MSRB3: variants seen among roughly 807,000 people sequenced by gnomAD.
The protein encoded by MSRB3 is methionine sulfoxide reductase B3, also known as methionine-R-sulfoxide reductase B3.
In MSRB3, 13 loss-of-function variants were observed where a neutral mutation model predicts 21.0. The ratio of observed to expected loss-of-function variants is 0.62; its 90% CI spans 0.40 to 0.98. The LOEUF (loss-of-function observed/expected upper bound fraction) is 0.98, where lower values mean the gene tolerates loss of function less well. Among genes scored for constraint, MSRB3 ranks in the 50% least tolerant of loss-of-function variants. MSRB3 has a pLI of 0.00. For missense variants in MSRB3, 199 were observed against 230.3 expected, an observed-to-expected ratio of 0.86 and a Z score of 0.88; for synonymous variants, 87 against 88.6, an observed-to-expected ratio of 0.98 and a Z score of 0.10.
At chr12:65,460,152 G>A (rs1449922281) in intron 6 of MSRB3, among the ~76,000 whole-genome samples, 3 of 152,110 alleles carry the variant, frequency 2.0e-5, no homozygotes, top group Non-Finnish European at 2.9e-5. Flanking sequence ...TTTCTTCATC[G>A]AGCAACCAGT....
Position 65,406,476 on chromosome 12 carries a change from G to T in MSRB3, c.292+37450G>T, listed in dbSNP as rs114268315. Among the ~76,000 whole-genome samples, 466 of 152,270 alleles carry T rather than the reference G, an allele frequency of 3.1e-3. 2 individuals are homozygous for T. Among genetic ancestry groups the T allele is most frequent in the African/African-American group, 0.01 (426 of 41,548 alleles). ...GATAGAAAAATATCCTGTGTTCATG[G>T]GTTGGAAGAATTAATACTGTTAAAA... On this transcript the variant is annotated intron_variant, in intron 5 of 6. Transcript: ENST00000308259.
At chr12:65,434,645 C>G (rs1386081835) in intron 5 of MSRB3, among the ~76,000 whole-genome samples, 6 of 151,818 alleles carry the variant, frequency 4.0e-5, no homozygotes, top group Non-Finnish European at 7.4e-5. Flanking sequence ...TGGGAAGGAG[C>G]TTGGCATATG....
chr12:65,288,922 A>G (rs953676815), intron 1 of MSRB3, among the ~76,000 whole-genome samples: 1 of 152,158 alleles, frequency 6.6e-6, no homozygotes, highest in African/African-American at 2.4e-5. Context: ...TGTCCTTTTT[A>G]TGAGAGAATA....
intron 4 of MSRB3, among the ~76,000 whole-genome samples, chr12:65,360,293 T>C (rs1349954848): frequency 6.6e-6 from 1 of 152,166 alleles, no homozygotes; most frequent in Admixed American, 6.6e-5. Context: ...TTCTCTTTAG[T>C]GTTATTTTCT....
chr12:65,412,878 G>A (rs1880787258), intron 5 of MSRB3, among the ~76,000 whole-genome samples: 1 of 152,116 alleles, frequency 6.6e-6, no homozygotes, highest in Admixed American at 6.6e-5. Context: ...TTTGCAAGGT[G>A]GCAGGAAGGA....
intron 6 of MSRB3, among the ~76,000 whole-genome samples, chr12:65,457,464 T>G (rs1174863020): frequency 6.6e-6 from 1 of 152,102 alleles, no homozygotes; most frequent in Non-Finnish European, 1.5e-5. Flanking sequence ...AGTGAGAACA[T>G]GTGGTGTTTG....
chr12:65,415,633 A>C (rs1324425432), intron 5 of MSRB3, among the ~76,000 whole-genome samples: 3 of 152,208 alleles, frequency 2.0e-5, no homozygotes, highest in African/African-American at 2.4e-5. Flanking sequence ...CTGGTCTTAC[A>C]AGAGAATTTA....
At chr12:65,384,464 T>C (rs546243478) in intron 5 of MSRB3, among the ~76,000 whole-genome samples, 21 of 152,276 alleles carry the variant, frequency 1.4e-4, no homozygotes, top group African/African-American at 4.1e-4. Context: ...TTTTAATCTG[T>C]TTCAAATAAC....
intron 4 of MSRB3, among the ~76,000 whole-genome samples, chr12:65,333,794 A>G (rs564251841): frequency 2.6e-5 from 4 of 152,124 alleles, no homozygotes; most frequent in African/African-American, 9.7e-5. Flanking sequence ...GTGCTTGTCT[A>G]CCCTCTTGGA....
intron 5 of MSRB3, among the ~76,000 whole-genome samples, chr12:65,444,490 T>TA (rs1448314565): frequency 6.6e-6 from 1 of 152,228 alleles, no homozygotes; most frequent in Non-Finnish European, 1.5e-5. Context: ...TCACTAATTT[T>TA]ATTGCAAAAA....
intron 5 of MSRB3, among the ~76,000 whole-genome samples, chr12:65,420,846 G>A (rs1009650754): frequency 3.9e-5 from 6 of 152,134 alleles, no homozygotes; most frequent in African/African-American, 7.2e-5. Flanking sequence ...TATATGTGCC[G>A]CATTTTCTTT....
intron 2 of MSRB3, among the ~76,000 whole-genome samples, chr12:65,325,693 G>A (rs972750912): frequency 1.3e-5 from 2 of 152,026 alleles, no homozygotes; most frequent in Non-Finnish European, 2.9e-5. Flanking sequence ...AAGAAGTTGC[G>A]TTTAGTATTT....
chr12:65,296,180 C>A (rs910870695), intron 1 of MSRB3, among the ~76,000 whole-genome samples: 4 of 152,134 alleles, frequency 2.6e-5, no homozygotes, highest in African/African-American at 9.7e-5. Context: ...ATTTCTCTGA[C>A]AGTTGCTAAA....
At chr12:65,419,539 G>A in intron 5 of MSRB3, 4 of 741,044 alleles carry the variant, frequency 5.4e-6, no homozygotes, top group Non-Finnish European at 7.5e-6. Context: ...AAAGGCATCA[G>A]CAGCAAGATG....
chr12:65,460,510 T>C (rs764339321), intron 6 of MSRB3, among the ~76,000 whole-genome samples: 1 of 152,168 alleles, frequency 6.6e-6, no homozygotes, highest in Non-Finnish European at 1.5e-5. Flanking sequence ...GTGCCACAGA[T>C]ACAGATGAAC....
intron 5 of MSRB3, among the ~76,000 whole-genome samples, chr12:65,412,985 CA>C (rs1216108182): frequency 6.6e-6 from 1 of 152,150 alleles, no homozygotes; most frequent in East Asian, 1.9e-4. Flanking sequence ...AAACTGCCCC[CA>C]CGATTCAGTT....
intron 1 of MSRB3, 166 bp downstream of exon 1, chr12:65,279,031 G>A (rs1871836385): frequency 1.4e-6 from 2 of 1,432,844 alleles, no homozygotes; most frequent in East Asian, 2.6e-5. Flanking sequence ...GAGCAGAAGG[G>A]TTGCGCCCCG....
rs1343397314 is a variant in MSRB3, at chr12:65,466,212, C to T, written c.*2890C>T. On this transcript the variant is annotated 3_prime_UTR_variant, in exon 7 of 7. Coordinates refer to ENST00000308259, the MANE Select transcript of MSRB3 (RefSeq NM_001031679.3). ...AGGATCGACTTTAAGAAAAATGCAA[C>T]ATCTATTGAAAAAAAGTGGGGTGTA... 1 of 152,078 alleles carries T rather than the reference C, an allele frequency of 6.6e-6. No individual in the cohort carries two copies. The highest frequency in any genetic ancestry group is 1.9e-4 in the East Asian group (1 of 5,194). 9.4% of individuals were successfully genotyped at this position (152,078 alleles called of 1,614,324 possible). A position where few individuals can be genotyped will look rare whatever the true frequency, so the allele number is the denominator to read the frequency against.
At chr12:65,369,051 T>C in intron 5 of MSRB3, 25 bp downstream of exon 5, 1 of 1,506,236 alleles carries the variant, frequency 6.6e-7, no homozygotes, top group Non-Finnish European at 9.2e-7. Context: ...ATAATGCTCT[T>C]CTGAATATAT....
Sources: gnomAD v4.1 joint callset for allele counts (sites outside exome capture counted in the v4.1 genomes callset) on GRCh38, gnomAD v4.1.1 for gene constraint, MANE v1.5 for transcripts, NCBI Gene and HGNC (gene_info 2026-07-23, HGNC 2026-07-21) for gene names.